The following RAB6B variants were observed in gnomAD, a reference collection of about 807,000 sequenced individuals.
RAB6B encodes the protein ras-related protein Rab-6B.
A neutral mutation model predicts 31.2 loss-of-function variants in RAB6B; 7 were observed. The observed-to-expected ratio is 0.22, with a 90% CI of 0.13 to 0.42. The LOEUF is 0.42. Ranked by LOEUF, RAB6B falls within the 10% of genes least tolerant of loss-of-function variation. The pLI is 1.00. For synonymous variants in RAB6B, 105 were observed against 104.9 expected (o/e 1.00, Z -0.01); for missense variants, 149 against 280.6 (o/e 0.53, Z 3.35).
At chr3:133,843,241 C>T (rs909909002) in intron 2 of RAB6B, among the ~76,000 whole-genome samples, 5 of 152,170 alleles carry the variant, frequency 3.3e-5, no homozygotes, top group Non-Finnish European at 7.4e-5. Flanking sequence ...AAAGAACAGA[C>T]CAGAGGGTTA....
chr3:133,893,875 T>C (rs550240493), intron 1 of RAB6B, among the ~76,000 whole-genome samples: 6 of 152,258 alleles, frequency 3.9e-5, no homozygotes, highest in African/African-American at 1.2e-4. Context: ...GTCAGCTCTA[T>C]GAAACTGGGA....
At chr3:133,859,893 C>T (rs539118678) in intron 2 of RAB6B, among the ~76,000 whole-genome samples, 3 of 152,288 alleles carry the variant, frequency 2.0e-5, no homozygotes, top group East Asian at 1.9e-4. Flanking sequence ...ATTAAATCAA[C>T]GTACAAAATG....
intron 7 of RAB6B, among the ~76,000 whole-genome samples, chr3:133,833,079 G>C (rs951806711): frequency 3.3e-5 from 5 of 152,174 alleles, no homozygotes; most frequent in African/African-American, 1.2e-4. Flanking sequence ...CTTGCTGGCA[G>C]GCACAGCGGA....
intron 1 of RAB6B, 75 bp downstream of exon 1, chr3:133,895,322 G>A: frequency 6.7e-7 from 1 of 1,490,042 alleles, no homozygotes. Context: ...CTGGGCCGGG[G>A]GTCCCAATGG....
At chr3:133,895,334 G>C (rs1936693599) in intron 1 of RAB6B, 63 bp downstream of exon 1, 1 of 1,543,254 alleles carries the variant, frequency 6.5e-7, no homozygotes, top group Non-Finnish European at 8.9e-7. Context: ...TCCCAATGGG[G>C]TGGGCGATTG....
intron 1 of RAB6B, among the ~76,000 whole-genome samples, chr3:133,866,935 G>GATC (rs1298558701): frequency 6.6e-6 from 1 of 152,272 alleles, no homozygotes; most frequent in Non-Finnish European, 1.5e-5. Context: ...ATGCATCAGG[G>GATC]ATCAGGGTGG....
chr3:133,879,260 A>C (rs1936436152), intron 1 of RAB6B, among the ~76,000 whole-genome samples: 1 of 152,252 alleles, frequency 6.6e-6, no homozygotes, highest in African/African-American at 2.4e-5. Context: ...TTTTAATTAC[A>C]CGCACACATC....
rs1298254930 is a variant in RAB6B at position 133,828,229 on chromosome 3, A to T, written c.*559T>A. The T allele has an allele frequency of 9.3e-6, 5 of 537,704 alleles. No individual in the cohort carries two copies. The highest frequency in any genetic ancestry group is 3.2e-5 in the Admixed American group (1 of 31,440). The allele number at this position is 537,704 out of a possible 1,614,324, so 33.3% of individuals were successfully genotyped here. On this transcript the variant is annotated 3_prime_UTR_variant, in exon 8 of 8. Transcript: ENST00000285208. ...GTCAGAGCTACCTTTTCAGAGGCTGATGTGTTCAACCAATGTTTGATTTAA... is the reference window on the plus strand; with the variant it reads ...GTCAGAGCTACCTTTTCAGAGGCTGTTGTGTTCAACCAATGTTTGATTTAA...
In RAB6B at chr3:133,841,959, C is replaced by T. The variant is rs551420147; in HGVS notation, c.130-296G>A. ...TGAGGAGGCCTCCCCAGGAGCAAGG[C>T]CACTCAGGCCACTCAACGCACATAT... On this transcript the variant is annotated intron_variant, in intron 2 of 7. Coordinates refer to ENST00000285208, the MANE Select transcript of RAB6B (RefSeq NM_016577.4). 5.3e-4 allele frequency among the ~76,000 whole-genome samples: 81 copies of T among 152,306 alleles called. 1 individual carries two copies. The highest frequency in any genetic ancestry group is 1.8e-3 in the African/African-American group (73 of 41,566).
chr3:133,831,180 G>A (rs1249794714), intron 7 of RAB6B, among the ~76,000 whole-genome samples: 1 of 152,244 alleles, frequency 6.6e-6, no homozygotes, highest in African/African-American at 2.4e-5. Context: ...TTTCTGGGAT[G>A]TTTGTTAAAA....
chr3:133,869,164 A>G (rs555699194), intron 1 of RAB6B, among the ~76,000 whole-genome samples: 43 of 152,364 alleles, frequency 2.8e-4, no homozygotes, highest in African/African-American at 9.9e-4. Flanking sequence ...AGGCACAGAG[A>G]CAGGGAGAGA....
chr3:133,824,875 A>G lies in RAB6B; in HGVS notation c.*3913T>C, dbSNP rs577237915. 7.9e-5 allele frequency: 12 copies of G among 152,274 alleles called. No individual in the cohort carries two copies. The East Asian group carries it at 1.9e-3, about 24-fold the overall frequency. The allele number at this position is 152,274 out of a possible 1,614,324, so 9.4% of individuals were successfully genotyped here. ...ACATTTGTTCACACACAGGGCAGCA[A>G]TGGATGAAAAATGGAAACTTCACTG... On this transcript the variant is annotated 3_prime_UTR_variant, in exon 8 of 8. Coordinates refer to ENST00000285208, the MANE Select transcript of RAB6B (RefSeq NM_016577.4).
intron 1 of RAB6B, among the ~76,000 whole-genome samples, chr3:133,871,857 C>T (rs1936328615): frequency 6.6e-6 from 1 of 152,232 alleles, no homozygotes. Flanking sequence ...GCTGTGCATC[C>T]ACACTTACCA....
chr3:133,847,880 C>T (rs76232857), intron 2 of RAB6B, among the ~76,000 whole-genome samples: 2,112 of 152,294 alleles, frequency 0.014, 50 homozygotes, highest in African/African-American at 0.049. Flanking sequence ...TCTCTAATTG[C>T]GGTTCCTTAT....
intron 2 of RAB6B, among the ~76,000 whole-genome samples, chr3:133,854,460 C>G (rs1576399562): frequency 6.6e-6 from 1 of 152,236 alleles, no homozygotes; most frequent in South Asian, 2.1e-4. Flanking sequence ...TGACCCTCCT[C>G]TCCCTCCTCG....
At chr3:133,890,490 A>G (rs182401733) in intron 1 of RAB6B, among the ~76,000 whole-genome samples, 12 of 152,308 alleles carry the variant, frequency 7.9e-5, no homozygotes, top group African/African-American at 2.9e-4. Context: ...CTGTAGTCCC[A>G]GCTACTCGGG....
intron 7 of RAB6B, among the ~76,000 whole-genome samples, chr3:133,829,538 G>A (rs1258323980): frequency 1.3e-5 from 2 of 152,180 alleles, no homozygotes; most frequent in African/African-American, 4.8e-5. Context: ...TTTTAGCCTT[G>A]CATCAAACCA....
At chr3:133,874,013 C>G (rs1172511504) in intron 1 of RAB6B, among the ~76,000 whole-genome samples, 1 of 152,070 alleles carries the variant, frequency 6.6e-6, no homozygotes, top group Non-Finnish European at 1.5e-5. Context: ...ATTGTCTTTA[C>G]GTTGAATAGG....
intron 5 of RAB6B, among the ~76,000 whole-genome samples, chr3:133,839,225 G>A (rs1935784900): frequency 6.6e-6 from 1 of 152,264 alleles, no homozygotes; most frequent in Non-Finnish European, 1.5e-5. Context: ...CTTAGACCAT[G>A]CACTGCTGGG....
Sources: allele counts gnomAD v4.1 joint callset (sites outside exome capture counted in the v4.1 genomes callset), GRCh38; gene constraint gnomAD v4.1.1; transcripts MANE v1.5; gene names NCBI Gene and HGNC (gene_info 2026-07-23, HGNC 2026-07-21).